Variants in MIPEP observed in about 807,000 individuals in gnomAD.
MIPEP encodes the protein mitochondrial intermediate peptidase.
A neutral mutation model predicts 90.3 loss-of-function variants in MIPEP; 79 were observed. The observed-to-expected ratio is 0.87, with a 90% confidence interval of 0.73 to 1.05. The LOEUF is 1.05. Ranked by LOEUF, MIPEP falls within the 50% of genes least tolerant of loss-of-function variation. The probability of loss-of-function intolerance (pLI) is 0.00; values close to 1 mark genes in which losing one functional copy is unlikely to be tolerated. For missense variants in MIPEP, 940 were observed against 905.6 expected (o/e 1.04, Z -0.49); for synonymous variants, 334 against 315.8 (o/e 1.06, Z -0.61).
Position 23,837,628 on chromosome 13 carries a change from C to T in MIPEP, c.1467G>A (p.Met489Ile), listed in dbSNP as rs1316143785. 6.2e-7 allele frequency: 1 copy of T among 1,614,040 alleles called. No individual in the cohort carries two copies. Residue 489 changes from methionine to isoleucine, a missense_variant, in exon 13 of 19, where the codon ATG becomes ATA. Physicochemically the swap from Met to Ile is conservative, Grantham distance 10 (BLOSUM62 1). Coordinates refer to ENST00000382172, the MANE Select transcript of MIPEP (RefSeq NM_005932.4). ...RSSPTLLTPS[M>I]MENLFHEMGH... ...CCATTTCATGGAAAAGATTTTCCAT[C>T]ATGCTAGGAGTTAGCAAAGTTGGAG...
At position 23,870,046 on chromosome 13, in the gene MIPEP, A is replaced by G. The variant is rs1440254942; in HGVS notation, c.753T>C (p.Ile251=). Residue 251 remains isoleucine, a synonymous_variant, in exon 6 of 19, where the codon ATT becomes ATC. Coordinates refer to ENST00000382172, the MANE Select transcript of MIPEP (RefSeq NM_005932.4). ...NFTSAGDHII[I]DGLHAESPDD... ...CTGGTGATTCTGCGTGGAGACCATCAATTATGATATGATCCCCAGCAGATG... is the reference window on the plus strand; with the variant it reads ...CTGGTGATTCTGCGTGGAGACCATCGATTATGATATGATCCCCAGCAGATG... 2 of 1,607,958 alleles carry G rather than the reference A, an allele frequency of 1.2e-6. No homozygotes were observed. Among genetic ancestry groups the G allele is most frequent in the East Asian group, 4.5e-5 (2 of 44,560 alleles).
At chr13:23,789,830 G>A (rs990542481) in intron 16 of MIPEP, among the ~76,000 whole-genome samples, 1 of 151,992 alleles carries the variant, frequency 6.6e-6, no homozygotes, top group Non-Finnish European at 1.5e-5. Context: ...GTTCCACTGC[G>A]ATCAGTCTTG....
At chr13:23,756,070 C>T (rs932774906) in intron 18 of MIPEP, among the ~76,000 whole-genome samples, 2 of 152,168 alleles carry the variant, frequency 1.3e-5, no homozygotes, top group Admixed American at 1.3e-4. Flanking sequence ...TAAATCATGG[C>T]AACTAAAAAT....
chr13:23,797,801 G>A (rs1952979558), intron 16 of MIPEP, among the ~76,000 whole-genome samples: 1 of 152,116 alleles, frequency 6.6e-6, no homozygotes, highest in Non-Finnish European at 1.5e-5. Flanking sequence ...ATATAGCCTC[G>A]GTATTAGTTG....
chr13:23,741,784 T>A (rs1318789674), intron 18 of MIPEP, among the ~76,000 whole-genome samples: 1 of 149,272 alleles, frequency 6.7e-6, no homozygotes, highest in Non-Finnish European at 1.5e-5. Flanking sequence ...TTTACCTATA[T>A]AACAAACCTG....
In MIPEP at chr13:23,747,315, T is replaced by C. The variant is rs183635916; in HGVS notation, c.2044+9230A>G. Among the ~76,000 whole-genome samples the C allele has an allele frequency of 8.5e-5, 13 of 152,268 alleles. No homozygotes were observed. The East Asian group carries it at 2.5e-3, about 29-fold the overall frequency. On this transcript the variant is annotated intron_variant, in intron 18 of 18. Coordinates refer to ENST00000382172, the MANE Select transcript of MIPEP (RefSeq NM_005932.4). Reference sequence around the variant, plus strand: ...TAAACAGAGTACTATCTGAAATCATTTAGGCGGGATCTCTTGATGCCCAGG... The same window carrying C: ...TAAACAGAGTACTATCTGAAATCATCTAGGCGGGATCTCTTGATGCCCAGG...
intron 16 of MIPEP, among the ~76,000 whole-genome samples, chr13:23,785,624 T>TAAAAAAAAAA (rs67915328): frequency 5.9e-5 from 7 of 119,278 alleles, no homozygotes; most frequent in Non-Finnish European, 8.5e-5. Context: ...TAAAGTATAA[T>TAAAAAAAAAA]AAAAAAAAAA....
chr13:23,764,833 A>G (rs1448586719), intron 16 of MIPEP, among the ~76,000 whole-genome samples: 2 of 152,212 alleles, frequency 1.3e-5, no homozygotes, highest in Non-Finnish European at 2.9e-5. Context: ...CTGGGATTAC[A>G]GGTGTTAGCC....
chr13:23,775,860 C>T (rs1565989838), intron 16 of MIPEP, among the ~76,000 whole-genome samples: 1 of 152,106 alleles, frequency 6.6e-6, no homozygotes, highest in Non-Finnish European at 1.5e-5. Flanking sequence ...TCTGCTATTT[C>T]CAACAGTCCT....
intron 15 of MIPEP, among the ~76,000 whole-genome samples, chr13:23,806,395 A>G (rs1428549059): frequency 1.3e-5 from 2 of 152,206 alleles, no homozygotes; most frequent in South Asian, 2.1e-4. Flanking sequence ...TGTAGACGGA[A>G]GGCCAGGCGC....
intron 10 of MIPEP, among the ~76,000 whole-genome samples, chr13:23,854,188 ATTTTTTTTT>A (rs568842347): frequency 6.1e-5 from 7 of 114,176 alleles, no homozygotes; most frequent in African/African-American, 9.6e-5. Flanking sequence ...AGCCAGGCTA[ATTTTTTTTT>A]TTTTTTTTTT....
At chr13:23,852,860 G>A (rs1048691161) in intron 10 of MIPEP, among the ~76,000 whole-genome samples, 1 of 152,136 alleles carries the variant, frequency 6.6e-6, no homozygotes, top group African/African-American at 2.4e-5. Flanking sequence ...AAGATGTGGA[G>A]GTGGAAGACA....
At chr13:23,875,522 T>G (rs1254598692) in intron 4 of MIPEP, among the ~76,000 whole-genome samples, 2 of 149,924 alleles carry the variant, frequency 1.3e-5, no homozygotes, top group Non-Finnish European at 3.0e-5. Flanking sequence ...CAATTTCAAG[T>G]GTAACACCTT....
At position 23,805,958 on chromosome 13, in the gene MIPEP, G is replaced by A. The variant is rs756528867; in HGVS notation, c.1840C>T (p.Pro614Ser). Residue 614 changes from proline (P) to serine (S), a missense_variant, in exon 16 of 19, where the codon CCA becomes TCA. Transcript: ENST00000382172. ...CCAAATGCTGGACTCACAGTATTTG[G>A]AACATATGGTAGGCCATAGAATTTC... ...QEKFYGLPYV[P>S]NTAWQLRFSH... is the part of the protein sequence containing the mutation. The A allele has an allele frequency of 1.2e-6, 2 of 1,613,864 alleles. No homozygotes were observed. Among genetic ancestry groups the A allele is most frequent in the Non-Finnish European group, 1.7e-6 (2 of 1,179,862 alleles).
At chr13:23,818,681 C>A (rs1216629960) in intron 14 of MIPEP, among the ~76,000 whole-genome samples, 1 of 152,146 alleles carries the variant, frequency 6.6e-6, no homozygotes, top group Non-Finnish European at 1.5e-5. Flanking sequence ...GTTTGAACAG[C>A]CTGTGATTGG....
intron 1 of MIPEP, 165 bp downstream of exon 1, chr13:23,888,967 G>T: frequency 1.6e-6 from 1 of 638,518 alleles, no homozygotes; most frequent in Non-Finnish European, 2.3e-6. Context: ...AAGCAGAGGT[G>T]ACCTTGCCCT....
chr13:23,783,840 T>A (rs1952808320), intron 16 of MIPEP, among the ~76,000 whole-genome samples: 1 of 152,030 alleles, frequency 6.6e-6, no homozygotes, highest in Admixed American at 6.5e-5. Flanking sequence ...ATGAGTGAAC[T>A]CCCATTCACA....
intron 1 of MIPEP, chr13:23,888,922 ACT>A (rs1348271299): frequency 5.7e-6 from 3 of 522,974 alleles, no homozygotes; most frequent in South Asian, 1.8e-4. Flanking sequence ...CGGACCCGAC[ACT>A]CTGGGTAGGA....
chr13:23,830,946 G>A (rs1868708966), intron 14 of MIPEP, among the ~76,000 whole-genome samples: 1 of 152,096 alleles, frequency 6.6e-6, no homozygotes, highest in African/African-American at 2.4e-5. Context: ...GGATATTGTG[G>A]GTAAAGATAA....
Sources: gnomAD v4.1 joint callset for allele counts (sites outside exome capture counted in the v4.1 genomes callset) on GRCh38, gnomAD v4.1.1 for gene constraint, MANE v1.5 for transcripts, NCBI Gene and HGNC (gene_info 2026-07-23, HGNC 2026-07-21) for gene names.